The following TBP variants were observed in gnomAD, a reference collection of about 807,000 sequenced individuals.
TBP encodes TATA-box binding protein.
TBP carries 12 observed loss-of-function variants against 46.2 expected under a neutral mutation model. The observed-to-expected ratio is 0.26, with a 90% CI of 0.17 to 0.42. The LOEUF (loss-of-function observed/expected upper bound fraction) is 0.42. Among genes scored for constraint, TBP ranks in the 10% least tolerant of loss-of-function variants. TBP has a pLI of 1.00. For missense variants in TBP, 229 were observed against 403.1 expected (o/e 0.57, Z 3.70); for synonymous variants, 157 against 148.3 (o/e 1.06, Z -0.42).
intron 6 of TBP, among the ~76,000 whole-genome samples, chr6:170,570,506 G>A (rs1050851708): frequency 2.0e-5 from 3 of 152,038 alleles, no homozygotes; most frequent in African/African-American, 7.3e-5. Context: ...CAGTCTCTCC[G>A]AACTGAGAAA....
At chr6:170,564,290 C>T (rs1338680446) in intron 3 of TBP, among the ~76,000 whole-genome samples, 1 of 152,192 alleles carries the variant, frequency 6.6e-6, no homozygotes, top group Non-Finnish European at 1.5e-5. Flanking sequence ...TTGCACTCTA[C>T]CTTTAAGCCT....
intron 6 of TBP, among the ~76,000 whole-genome samples, chr6:170,570,694 A>G (rs1463936192): frequency 2.0e-5 from 3 of 152,132 alleles, no homozygotes; most frequent in African/African-American, 4.8e-5. Context: ...TTAGCTGGAC[A>G]TGGTGGTGCA....
At chr6:170,566,844 T>G in intron 4 of TBP, 74 bp from the exon 5 acceptor site, 1 of 1,324,654 alleles carries the variant, frequency 7.5e-7, no homozygotes, top group Non-Finnish European at 1.1e-6. Context: ...GATTTTTTTG[T>G]CAATGGGTGG....
chr6:170,569,708 G>T lies in TBP; in HGVS notation c.774G>T (p.Met258Ile). The T allele has an allele frequency of 6.2e-7, 1 of 1,614,126 alleles. No homozygotes were observed. Among genetic ancestry groups the T allele is most frequent in the Non-Finnish European group, 8.5e-7 (1 of 1,179,998 alleles). ...TCTTGGACTTCAAGATTCAGAATAT[G>T]GTGGGGAGCTGTGATGTGAAGTTTC... ...AKFLDFKIQN[M>I]VGSCDVKFPI... is the part of the protein sequence containing the mutation. The change falls in exon 6 of 8, where the codon ATG becomes ATT. Residue 258 changes from methionine (M) to isoleucine (I), a missense_variant. Physicochemically the swap from Met to Ile is conservative, Grantham distance 10. Around this residue, in one of 4 missense-constraint regions of TBP, gnomAD observed 67 missense variants for 188.2 expected, o/e 0.36. Coordinates refer to ENST00000392092, the MANE Select transcript of TBP (RefSeq NM_003194.5).
chr6:170,562,136 G>T lies in TBP; in HGVS notation c.400G>T (p.Gly134Cys), dbSNP rs752995266. Reference protein sequence around the residue: ...SQTLTTAPLPGTTPLYPSPMT... With the variant: ...SQTLTTAPLPCTTPLYPSPMT... ...GACTCTCACAACTGCACCCTTGCCG[G>T]GCACCACTCCACTGTATCCCTCCCC... Residue 134 changes from glycine (G) to cysteine (C), a missense_variant, in exon 3 of 8, where the codon GGC becomes TGC. Around this residue, in one of 4 missense-constraint regions of TBP, gnomAD observed 69 missense variants for 66.2 expected, o/e 1.04. Transcript: ENST00000392092. 5.0e-6 allele frequency: 8 copies of T among 1,613,900 alleles called. No homozygotes were observed. The Admixed American group carries it at 6.7e-5, about 13-fold the overall frequency.
intron 5 of TBP, among the ~76,000 whole-genome samples, chr6:170,568,453 TTTG>T (rs141778159): frequency 0.48 from 73,207 of 151,314 alleles, 18,008 homozygotes; most frequent in East Asian, 0.77. Context: ...CACATTCTTT[TTTG>T]TTGTTGTTGT....
rs1344302898 is a variant in TBP at position 170,561,906 on chromosome 6, GGCAGCAGCAGCAACAACAACA to G, written c.183_203del (p.Gln89_Gln95del). ...CTGTCTATTTTGGAAGAGCAACAAA[GGCAGCAGCAGCAACAACAACA>G]GCAGCAGCAGCAGCAGCAGCAGCAA... On this transcript the variant is annotated inframe_deletion, in exon 3 of 8. Transcript: ENST00000392092. 1.5e-4 allele frequency: 240 copies of G among 1,599,238 alleles called. No homozygotes were observed. The highest frequency in any genetic ancestry group is 1.9e-4 in the Non-Finnish European group (221 of 1,177,652).
intron 3 of TBP, among the ~76,000 whole-genome samples, chr6:170,564,191 T>G (rs575904154): frequency 1.3e-5 from 2 of 152,334 alleles, no homozygotes; most frequent in South Asian, 4.1e-4. Context: ...GAATTGAGTT[T>G]GTCTGTGAGA....
In TBP at chr6:170,564,534, A is replaced by T. The variant is rs1433456861; in HGVS notation, c.498-11A>T. The T allele has an allele frequency of 1.3e-6, 2 of 1,578,594 alleles. No individual in the cohort carries two copies. The highest frequency in any genetic ancestry group is 3.7e-5 in the Admixed American group (2 of 54,748). On this transcript the variant is annotated splice_polypyrimidine_tract_variant and intron_variant, in intron 3 of 7. Coordinates refer to ENST00000392092, the MANE Select transcript of TBP (RefSeq NM_003194.5). ...TTAAATAGTCGTGTTTTCTTTTTAA[A>T]TCTCTTACAGAAATATTGTATCCAC...
At chr6:170,560,036 G>A (rs1779112717) in intron 2 of TBP, among the ~76,000 whole-genome samples, 1 of 152,164 alleles carries the variant, frequency 6.6e-6, no homozygotes. Context: ...GATCTGCTCA[G>A]AAAAAAAGTT....
intron 5 of TBP, among the ~76,000 whole-genome samples, chr6:170,568,676 ATCTCC>A (rs1312592919): frequency 1.3e-5 from 2 of 151,086 alleles, no homozygotes. Flanking sequence ...GATGGTCTCA[ATCTCC>A]TGACCTCATG....
Position 170,564,648 on chromosome 6 carries a change from A to G in TBP, c.585+16A>G. The G allele has an allele frequency of 1.3e-6, 2 of 1,565,800 alleles. No individual in the cohort carries two copies. Among genetic ancestry groups the G allele is most frequent in the Non-Finnish European group, 1.7e-6 (2 of 1,149,720 alleles). On this transcript the variant is annotated intron_variant, in intron 4 of 7. Transcript: ENST00000392092. The stretch of plus-strand genomic sequence containing the variant: ...TAATCCCAAGGTTAGATCTATTTTA[A>G]TGTATTTCTTTTTTTTTTCTTTTTT...
In TBP at chr6:170,571,958, A is replaced by G. The variant is rs114304353; in HGVS notation, c.941-228A>G. Reference sequence around the variant, plus strand: ...TGTGAATACATGCCTCTTGAGCTATAGAATGAGACGCTGGAGTCACTAAGA... The same window carrying G: ...TGTGAATACATGCCTCTTGAGCTATGGAATGAGACGCTGGAGTCACTAAGA... On this transcript the variant is annotated intron_variant, in intron 7 of 7. Transcript: ENST00000392092. 3.1e-3 allele frequency among the ~76,000 whole-genome samples: 475 copies of G among 151,990 alleles called. 6 individuals carry two copies. The highest frequency in any genetic ancestry group is 0.011 in the African/African-American group (453 of 41,484).
chr6:170,561,699 C>G (rs1356257110), intron 2 of TBP, 92 bp from the exon 3 acceptor site: 8 of 1,539,378 alleles, frequency 5.2e-6, no homozygotes, highest in Admixed American at 1.9e-5. Context: ...AGGCATCTGT[C>G]TTTGCACACC....
chr6:170,561,907 GCAGCAGCAGCAACAACAA>G lies in TBP; in HGVS notation c.183_200del (p.Gln90_Gln95del). 1 of 1,588,258 alleles carries G rather than the reference GCAGCAGCAGCAACAACAA, an allele frequency of 6.3e-7. No homozygotes were observed. Among genetic ancestry groups the G allele is most frequent in the Non-Finnish European group, 8.5e-7 (1 of 1,174,742 alleles). On this transcript the variant is annotated inframe_deletion, in exon 3 of 8. Coordinates refer to ENST00000392092, the MANE Select transcript of TBP (RefSeq NM_003194.5). ...TGTCTATTTTGGAAGAGCAACAAAG[GCAGCAGCAGCAACAACAA>G]CAGCAGCAGCAGCAGCAGCAGCAGC... is the stretch of plus-strand genomic sequence containing the variant.
intron 4 of TBP, 58 bp from the exon 5 acceptor site, chr6:170,566,860 C>T (rs1054456325): frequency 6.6e-7 from 1 of 1,526,660 alleles, no homozygotes. Flanking sequence ...GGTGGTTCGC[C>T]TAACAACATT....
intron 5 of TBP, 71 bp from the exon 6 acceptor site, chr6:170,569,541 T>TAA: frequency 7.1e-7 from 1 of 1,408,920 alleles, no homozygotes; most frequent in Non-Finnish European, 9.7e-7. Context: ...GGACTTTTTA[T>TAA]AAGTTATTAG....
Position 170,562,283 on chromosome 6 carries a change from T to C in TBP, c.497+50T>C, listed in dbSNP as rs771969944. The C allele has an allele frequency of 3.8e-5, 59 of 1,554,740 alleles. No homozygotes were observed. In the Admixed American group the frequency reaches 1.0e-3, roughly 27 times the overall value. On this transcript the variant is annotated intron_variant, in intron 3 of 7. Transcript: ENST00000392092. Reference sequence around the variant, plus strand: ...CCTCCCACTTAGGAGTCCCTTTGAGTTATGTTCCTGCTCTGTTTTCAGATG... The same window carrying C: ...CCTCCCACTTAGGAGTCCCTTTGAGCTATGTTCCTGCTCTGTTTTCAGATG...
In TBP at chr6:170,561,958, ACAGCAGCAGCAGCAGCAG is replaced by A. The variant is rs752404282; in HGVS notation, c.264_281del (p.Gln90_Gln95del). The A allele has an allele frequency of 1.1e-3, 1,590 of 1,405,090 alleles. 6 individuals are homozygous for A. Among genetic ancestry groups the A allele is most frequent in the Non-Finnish European group, 1.4e-3 (1,392 of 1,005,520 alleles). 87.0% of individuals were successfully genotyped at this position (1,405,090 alleles called of 1,614,324 possible). On this transcript the variant is annotated inframe_deletion, in exon 3 of 8. Coordinates refer to ENST00000392092, the MANE Select transcript of TBP (RefSeq NM_003194.5). Reference sequence around the variant, plus strand: ...AGCAGCAGCAGCAGCAGCAACAGCAACAGCAGCAGCAGCAGCAGCAGCAGCAGCAGCAGCAGCAGCAGC... The same window carrying A: ...AGCAGCAGCAGCAGCAGCAACAGCAACAGCAGCAGCAGCAGCAGCAGCAGC...
Sources: gnomAD v4.1 joint callset for allele counts (sites outside exome capture counted in the v4.1 genomes callset) on GRCh38, gnomAD v4.1.1 for gene constraint, gnomAD v4.1.1 regional missense constraint, MANE v1.5 for transcripts, NCBI Gene and HGNC (gene_info 2026-07-23, HGNC 2026-07-21) for gene names.